WSCD2: variants seen among roughly 807,000 people sequenced by gnomAD.
WSCD2 encodes the protein WSC domain sialate O sulfotransferase 2.
In WSCD2, 28 loss-of-function variants were observed where a neutral mutation model predicts 55.7. The ratio of observed to expected loss-of-function variants is 0.50; its 90% CI spans 0.37 to 0.69. The LOEUF (loss-of-function observed/expected upper bound fraction) is 0.69, where lower values mean the gene tolerates loss of function less well. Ranked by LOEUF, WSCD2 falls within the 30% of genes least tolerant of loss-of-function variation. The pLI is 0.00. For synonymous variants in WSCD2, 301 were observed against 301.9 expected (o/e 1.00, Z 0.03); for missense variants, 616 against 762.1 (o/e 0.81, Z 2.26).
chr12:108,209,443 AAG>A (rs1338424536), intron 3 of WSCD2, among the ~76,000 whole-genome samples: 1 of 151,822 alleles, frequency 6.6e-6, no homozygotes, highest in Non-Finnish European at 1.5e-5. Context: ...AAAAGCAAGA[AAG>A]AGAGTGGGGT....
chr12:108,141,554 C>T (rs1404304328), intron 1 of WSCD2, among the ~76,000 whole-genome samples: 2 of 152,150 alleles, frequency 1.3e-5, no homozygotes, highest in Admixed American at 6.5e-5. Flanking sequence ...TGGTTCATAG[C>T]CCCAAGCCAC....
chr12:108,236,955 G>A (rs1341425482), intron 7 of WSCD2, among the ~76,000 whole-genome samples: 1 of 152,196 alleles, frequency 6.6e-6, no homozygotes, highest in East Asian at 1.9e-4. Context: ...TTCTGAAGGA[G>A]GGGAGACAGA....
intron 1 of WSCD2, among the ~76,000 whole-genome samples, chr12:108,184,476 G>A (rs541936719): frequency 2.1e-4 from 32 of 152,294 alleles, no homozygotes; most frequent in African/African-American, 6.7e-4. Flanking sequence ...TCAATCCACC[G>A]TGGTCAGTGT....
At chr12:108,202,800 G>A (rs756989287) in intron 2 of WSCD2, among the ~76,000 whole-genome samples, 21 of 152,252 alleles carry the variant, frequency 1.4e-4, no homozygotes, top group South Asian at 6.2e-4. Flanking sequence ...AACAAACCTC[G>A]TGACACGAGT....
chr12:108,231,014 A>G (rs1888692193), intron 6 of WSCD2, among the ~76,000 whole-genome samples: 1 of 152,182 alleles, frequency 6.6e-6, no homozygotes, highest in African/African-American at 2.4e-5. Flanking sequence ...TTCCTGTTTG[A>G]GTGCTAATGT....
intron 1 of WSCD2, among the ~76,000 whole-genome samples, chr12:108,156,950 G>A (rs1878579803): frequency 6.6e-6 from 1 of 152,200 alleles, no homozygotes; most frequent in African/African-American, 2.4e-5. Context: ...CTCAGGCACT[G>A]CCAGGACTTG....
At chr12:108,159,108 A>G (rs1212461397) in intron 1 of WSCD2, among the ~76,000 whole-genome samples, 2 of 152,308 alleles carry the variant, frequency 1.3e-5, no homozygotes, top group African/African-American at 2.4e-5. Flanking sequence ...TGTCTCTGAA[A>G]GGGATCTAGC....
At chr12:108,193,405 T>C (rs1234169530) in intron 1 of WSCD2, among the ~76,000 whole-genome samples, 1 of 152,232 alleles carries the variant, frequency 6.6e-6, no homozygotes, top group Non-Finnish European at 1.5e-5. Context: ...GCAATCAGCA[T>C]ATGTTTTTAA....
chr12:108,227,747 GATGATGGTGATGATT>G (rs1482037795), intron 6 of WSCD2, among the ~76,000 whole-genome samples: 4 of 151,856 alleles, frequency 2.6e-5, no homozygotes, highest in South Asian at 2.1e-4. Context: ...TGATGATGAT[GATGATGGTGATGATT>G]ATGATGATGG....
intron 2 of WSCD2, among the ~76,000 whole-genome samples, chr12:108,204,187 A>G (rs1885043476): frequency 6.6e-6 from 1 of 152,192 alleles, no homozygotes; most frequent in African/African-American, 2.4e-5. Flanking sequence ...GTAGGTGTTC[A>G]ATACATGATA....
chr12:108,242,544 G>A (rs77656635), intron 8 of WSCD2, among the ~76,000 whole-genome samples: 2,401 of 152,284 alleles, frequency 0.016, 73 homozygotes, highest in African/African-American at 0.055. Flanking sequence ...CTAGAGGAGA[G>A]TGGGAAAACC....
At chr12:108,228,505 G>A (rs1021912114) in intron 6 of WSCD2, among the ~76,000 whole-genome samples, 3 of 152,202 alleles carry the variant, frequency 2.0e-5, no homozygotes, top group Admixed American at 6.5e-5. Context: ...CCACAGTCTG[G>A]AGAGCCAAGA....
intron 6 of WSCD2, among the ~76,000 whole-genome samples, chr12:108,230,547 C>T (rs1888636653): frequency 6.6e-6 from 1 of 152,190 alleles, no homozygotes; most frequent in East Asian, 1.9e-4. Flanking sequence ...GAGGCTCCGA[C>T]AGATCATTTT....
intron 1 of WSCD2, among the ~76,000 whole-genome samples, chr12:108,161,038 G>A (rs1204616425): frequency 6.6e-6 from 1 of 152,236 alleles, no homozygotes; most frequent in Non-Finnish European, 1.5e-5. Flanking sequence ...GTGTGGTAGA[G>A]AGAATGAAAT....
intron 1 of WSCD2, among the ~76,000 whole-genome samples, chr12:108,162,309 T>C (rs1404575017): frequency 6.6e-6 from 1 of 152,122 alleles, no homozygotes; most frequent in Non-Finnish European, 1.5e-5. Context: ...TGCCTGTTCA[T>C]AGGGAGGAGT....
chr12:108,243,537 A>G (rs2137241398), intron 8 of WSCD2, among the ~76,000 whole-genome samples: 1 of 152,284 alleles, frequency 6.6e-6, no homozygotes. Context: ...CCCAGCCACA[A>G]TCTGTGTTTT....
intron 1 of WSCD2, among the ~76,000 whole-genome samples, chr12:108,185,541 T>A (rs1255114430): frequency 6.6e-6 from 1 of 152,104 alleles, no homozygotes; most frequent in Non-Finnish European, 1.5e-5. Flanking sequence ...GCTAGGACTT[T>A]CCAATTATTT....
intron 6 of WSCD2, among the ~76,000 whole-genome samples, chr12:108,228,757 G>A (rs1416342556): frequency 6.6e-6 from 1 of 152,210 alleles, no homozygotes. Context: ...GCCTGTCCCT[G>A]TTTGACTGAT....
intron 5 of WSCD2, among the ~76,000 whole-genome samples, chr12:108,225,820 C>T (rs1378574845): frequency 6.6e-6 from 1 of 152,166 alleles, no homozygotes; most frequent in Non-Finnish European, 1.5e-5. Context: ...GTAGCTCCAG[C>T]TTTTTCTTAA....
Sources: allele counts gnomAD v4.1 joint callset (sites outside exome capture counted in the v4.1 genomes callset), GRCh38; gene constraint gnomAD v4.1.1; transcripts MANE v1.5; gene names NCBI Gene and HGNC (gene_info 2026-07-23, HGNC 2026-07-21).